Variants in TULP4 observed in about 807,000 individuals in gnomAD.
The protein encoded by TULP4 is TUB like protein 4.
A neutral mutation model predicts 129.0 loss-of-function variants in TULP4; 16 were observed. The observed-to-expected ratio is 0.12, with a 90% CI of 0.08 to 0.19. The LOEUF (loss-of-function observed/expected upper bound fraction) is 0.19. TULP4 is among the 10% of genes least tolerant of loss of function. The pLI is 1.00. For synonymous variants in TULP4, 998 were observed against 854.0 expected, an observed-to-expected ratio of 1.17 and a Z score of -2.94; for missense variants, 1,842 against 2,059.1, an observed-to-expected ratio of 0.89 and a Z score of 2.04.
chr6:158,483,737 T>A (rs1229070695), intron 8 of TULP4, among the ~76,000 whole-genome samples: 1 of 152,094 alleles, frequency 6.6e-6, no homozygotes, highest in African/African-American at 2.4e-5. Context: ...AAATACACGT[T>A]CCTAGGCTTA....
intron 11 of TULP4, among the ~76,000 whole-genome samples, chr6:158,497,540 T>C (rs1780359290): frequency 6.6e-6 from 1 of 152,254 alleles, no homozygotes; most frequent in South Asian, 2.1e-4. Context: ...TGGAGGTAAC[T>C]GATGGTATTT....
intron 1 of TULP4, among the ~76,000 whole-genome samples, chr6:158,233,249 C>A (rs1044516989): frequency 2.0e-5 from 3 of 152,220 alleles, no homozygotes; most frequent in Non-Finnish European, 2.9e-5. Context: ...CGGGGATAAT[C>A]AGCTCCCCTC....
At chr6:158,458,962 G>T (rs573885131) in intron 5 of TULP4, among the ~76,000 whole-genome samples, 1 of 152,320 alleles carries the variant, frequency 6.6e-6, no homozygotes, top group African/African-American at 2.4e-5. Context: ...GCTCAGGACT[G>T]CTTTATGCTA....
intron 1 of TULP4, among the ~76,000 whole-genome samples, chr6:158,386,978 G>A (rs182647535): frequency 2.4e-3 from 372 of 152,076 alleles, no homozygotes; most frequent in African/African-American, 8.6e-3. Context: ...GAAATGAACA[G>A]GTGAGAAAAA....
In TULP4 at chr6:158,338,199, T is replaced by G. The variant is rs562088310; in HGVS notation, c.252+23931T>G. Among the ~76,000 whole-genome samples the G allele has an allele frequency of 2.0e-5, 3 of 152,314 alleles. No individual in the cohort carries two copies. In the South Asian group the frequency reaches 6.2e-4, roughly 32 times the overall value. ...TGTCACCTAGGCTGGAGTGCAGTAGTGTGATCATAGCTCACTCCAGCCTTG... is the reference window on the plus strand; with the variant it reads ...TGTCACCTAGGCTGGAGTGCAGTAGGGTGATCATAGCTCACTCCAGCCTTG... On this transcript the variant is annotated intron_variant, in intron 1 of 13. Coordinates refer to ENST00000367097, the MANE Select transcript of TULP4 (RefSeq NM_020245.5).
intron 1 of TULP4, among the ~76,000 whole-genome samples, chr6:158,287,333 C>T (rs541415722): frequency 2.0e-4 from 30 of 152,126 alleles, no homozygotes; most frequent in Non-Finnish European, 2.5e-4. Context: ...ATATAATTTA[C>T]GACATCATTG....
chr6:158,410,289 C>T (rs562392221), intron 1 of TULP4, among the ~76,000 whole-genome samples: 1 of 152,304 alleles, frequency 6.6e-6, no homozygotes, highest in Non-Finnish European at 1.5e-5. Flanking sequence ...GTTTTGCCTC[C>T]ACTCTTTTGT....
At chr6:158,433,367 G>C (rs1467454137) in intron 3 of TULP4, among the ~76,000 whole-genome samples, 2 of 152,190 alleles carry the variant, frequency 1.3e-5, no homozygotes, top group Non-Finnish European at 2.9e-5. Context: ...ACACTAAAAA[G>C]TGTATAATGT....
intron 1 of TULP4, among the ~76,000 whole-genome samples, chr6:158,265,364 T>G (rs1313841121): frequency 1.3e-5 from 2 of 152,064 alleles, no homozygotes; most frequent in Admixed American, 1.3e-4. Flanking sequence ...ACAAAACATT[T>G]GAGGTGGCTT....
intron 1 of TULP4, among the ~76,000 whole-genome samples, chr6:158,390,190 C>G (rs1262654174): frequency 6.6e-6 from 1 of 151,756 alleles, no homozygotes; most frequent in Non-Finnish European, 1.5e-5. Flanking sequence ...CAACCATTAA[C>G]AGTTTGGTAT....
chr6:158,486,412 G>C (rs1407264856), intron 8 of TULP4, among the ~76,000 whole-genome samples: 1 of 152,138 alleles, frequency 6.6e-6, no homozygotes, highest in East Asian at 1.9e-4. Flanking sequence ...AATTAGCCGG[G>C]CGTGGTGGCG....
At chr6:158,384,585 G>C (rs990406221) in intron 1 of TULP4, among the ~76,000 whole-genome samples, 3 of 152,176 alleles carry the variant, frequency 2.0e-5, no homozygotes. Flanking sequence ...ACCATGCCCA[G>C]CCAGCATTTA....
At chr6:158,432,770 T>C (rs1374449942) in intron 3 of TULP4, among the ~76,000 whole-genome samples, 5 of 152,266 alleles carry the variant, frequency 3.3e-5, no homozygotes, top group Non-Finnish European at 1.5e-5. Context: ...CTTTCTATTA[T>C]GAATATGTTC....
intron 5 of TULP4, among the ~76,000 whole-genome samples, chr6:158,455,679 A>G (rs547341192): frequency 1.1e-3 from 163 of 151,916 alleles, no homozygotes; most frequent in Non-Finnish European, 1.9e-3. Context: ...AGAGGTTGCA[A>G]TGAGCTGAGA....
intron 1 of TULP4, among the ~76,000 whole-genome samples, chr6:158,402,611 G>A (rs1008724505): frequency 5.9e-5 from 9 of 152,210 alleles, no homozygotes; most frequent in Non-Finnish European, 1.2e-4. Flanking sequence ...CATTATTGTT[G>A]GAATATCTTT....
chr6:158,350,742 G>T (rs1157226658), intron 1 of TULP4, among the ~76,000 whole-genome samples: 2 of 150,568 alleles, frequency 1.3e-5, no homozygotes, highest in Non-Finnish European at 3.0e-5. Flanking sequence ...AGAGGGGAGA[G>T]GGGAGATGGG....
At position 158,239,342 on chromosome 6, in the gene TULP4, C is replaced by T. The variant is rs1171028606; in HGVS notation, n.68+7039C>T. On this transcript the variant is annotated intron_variant and non_coding_transcript_variant, in intron 1 of 1. Transcript: ENST00000620026. Reference sequence around the variant, plus strand: ...GGCGCCCCTCACCTCCCGGACGGGGCGGCTGGCCGGGCAGGGGGGCTGACA... The same window carrying T: ...GGCGCCCCTCACCTCCCGGACGGGGTGGCTGGCCGGGCAGGGGGGCTGACA... 4.7e-4 allele frequency among the ~76,000 whole-genome samples: 29 copies of T among 61,888 alleles called. 2 individuals are homozygous for T. The highest frequency in any genetic ancestry group is 4.3e-3 in the South Asian group (7 of 1,624). The allele number at this position is 61,888 out of a possible 152,430, so 40.6% of individuals were successfully genotyped here.
intron 7 of TULP4, 52 bp downstream of exon 7, chr6:158,480,027 CCA>C (rs769998921): frequency 7.1e-7 from 1 of 1,415,210 alleles, no homozygotes; most frequent in Non-Finnish European, 9.7e-7. Flanking sequence ...TGCTGGCTCC[CCA>C]CAGAGCCAGG....
chr6:158,437,037 AAGCACTGTC>A (rs1420959872), intron 3 of TULP4, among the ~76,000 whole-genome samples: 5 of 152,176 alleles, frequency 3.3e-5, no homozygotes, highest in Non-Finnish European at 7.3e-5. Flanking sequence ...CACAGCAGCT[AAGCACTGTC>A]AGATCATTTG....
Sources: gnomAD v4.1 joint callset for allele counts (sites outside exome capture counted in the v4.1 genomes callset) on GRCh38, gnomAD v4.1.1 for gene constraint, MANE v1.5 for transcripts, NCBI Gene and HGNC (gene_info 2026-07-23, HGNC 2026-07-21) for gene names.